MARCHF1: variants seen among roughly 807,000 people sequenced by gnomAD.
The protein encoded by MARCHF1 is membrane associated ring-CH-type finger 1.
MARCHF1 carries 40 observed loss-of-function variants against 54.2 expected under a neutral mutation model. The ratio of observed to expected loss-of-function variants is 0.74; its 90% CI spans 0.57 to 0.96. The LOEUF is 0.96. Ranked by LOEUF, MARCHF1 falls within the 40% of genes least tolerant of loss-of-function variation. MARCHF1 has a pLI of 0.00. For synonymous variants in MARCHF1, 236 were observed against 236.3 expected, an observed-to-expected ratio of 1.00 and a Z score of 0.01; for missense variants, 586 against 656.5, an observed-to-expected ratio of 0.89 and a Z score of 1.17.
chr4:163,612,909 G>A lies in MARCHF1; in HGVS notation c.372C>T (p.Ala124=), dbSNP rs1482133881. 1 of 1,535,430 alleles carries A rather than the reference G, an allele frequency of 6.5e-7. No homozygotes were observed. Among genetic ancestry groups the A allele is most frequent in the East Asian group, 2.4e-5 (1 of 40,886 alleles). The change falls in exon 7 of 10, where the codon GCC becomes GCT. Residue 124 remains alanine (A), a synonymous_variant. Coordinates refer to ENST00000514618, the MANE Select transcript of MARCHF1 (RefSeq NM_001394959.1). ...VIQRPRRRRK[A]SERYEHAAEE... ...CTGCAGCATGCTCATATCTCTCAGA[G>A]GCTTTTCTCCTCCTCCTAGGTCTTT...
At position 164,325,221 on chromosome 4, in the gene MARCHF1, A is replaced by T. The variant is rs1472237624; in HGVS notation, c.-323+58649T>A. The stretch of plus-strand genomic sequence containing the variant: ...AAAGATGCAGGTAATAATCAAAACA[A>T]TAAGAGAACACATGACTCTAAAGAG... On this transcript the variant is annotated intron_variant, in intron 1 of 9. Coordinates refer to ENST00000514618, the MANE Select transcript of MARCHF1 (RefSeq NM_001394959.1). Among the ~76,000 whole-genome samples, 6 of 151,564 alleles carry T rather than the reference A, an allele frequency of 4.0e-5. No homozygotes were observed. The East Asian group carries it at 1.2e-3, about 29-fold the overall frequency.
At chr4:163,574,699 G>A (rs540220288) in intron 8 of MARCHF1, among the ~76,000 whole-genome samples, 2 of 152,068 alleles carry the variant, frequency 1.3e-5, no homozygotes, top group Non-Finnish European at 1.5e-5. Context: ...CCAGTACCAT[G>A]CTGTTTTGGT....
chr4:163,961,840 C>A (rs1752351376), intron 3 of MARCHF1, among the ~76,000 whole-genome samples: 1 of 151,848 alleles, frequency 6.6e-6, no homozygotes, highest in African/African-American at 2.4e-5. Flanking sequence ...CATGATTATG[C>A]TTGGAATTCC....
Position 163,917,211 on chromosome 4 carries a change from G to A in MARCHF1, c.-38-63042C>T, listed in dbSNP as rs536869399. On this transcript the variant is annotated intron_variant, in intron 3 of 9. Transcript: ENST00000514618. Reference sequence around the variant, plus strand: ...CTTTTTAGCAATAACGAATAAACCCGTTATAAACATCTGTGCACAGGTTTT... The same window carrying A: ...CTTTTTAGCAATAACGAATAAACCCATTATAAACATCTGTGCACAGGTTTT... Among the ~76,000 whole-genome samples, 8 of 152,188 alleles carry A rather than the reference G, an allele frequency of 5.3e-5. No individual in the cohort carries two copies. The South Asian group carries it at 8.3e-4, about 16-fold the overall frequency.
At position 163,804,851 on chromosome 4, in the gene MARCHF1, C is replaced by T. The variant is rs575386993; in HGVS notation, c.111+49170G>A. On this transcript the variant is annotated intron_variant, in intron 4 of 9. Coordinates refer to ENST00000514618, the MANE Select transcript of MARCHF1 (RefSeq NM_001394959.1). ...CATCTCTCTCACCTGTCTTCATTTGCACCCACATGTACTACTCTCATTGTT... is the reference window on the plus strand; with the variant it reads ...CATCTCTCTCACCTGTCTTCATTTGTACCCACATGTACTACTCTCATTGTT... Among the ~76,000 whole-genome samples, 11 of 152,294 alleles carry T rather than the reference C, an allele frequency of 7.2e-5. No homozygotes were observed. In the South Asian group the frequency reaches 2.3e-3, roughly 32 times the overall value.
intron 1 of MARCHF1, among the ~76,000 whole-genome samples, chr4:164,286,679 G>GA (rs959359173): frequency 6.8e-6 from 1 of 147,818 alleles, no homozygotes; most frequent in Non-Finnish European, 1.5e-5. Context: ...AAGTGCTTAG[G>GA]AAAAAAAGAC....
intron 4 of MARCHF1, among the ~76,000 whole-genome samples, chr4:163,803,680 A>AT (rs937446007): frequency 3.0e-4 from 46 of 151,516 alleles, no homozygotes; most frequent in Non-Finnish European, 5.2e-4. Flanking sequence ...AAAGTCAGTT[A>AT]TTTTTTTCTC....
Position 164,236,613 on chromosome 4 carries a change from G to A in MARCHF1, c.-322-124951C>T, listed in dbSNP as rs1389543568. On this transcript the variant is annotated intron_variant, in intron 1 of 9. Transcript: ENST00000514618. ...AGCATTGTCTTGTTTAACCTAAGCT[G>A]GGAACATGTGCATTGAACATCTCAA... 2.6e-5 allele frequency among the ~76,000 whole-genome samples: 4 copies of A among 152,116 alleles called. No individual in the cohort carries two copies. In the South Asian group the frequency reaches 6.2e-4, roughly 24 times the overall value.
intron 1 of MARCHF1, among the ~76,000 whole-genome samples, chr4:164,198,612 A>G (rs1030487317): frequency 3.3e-5 from 5 of 152,202 alleles, no homozygotes; most frequent in Admixed American, 6.5e-5. Flanking sequence ...AAAAACACTC[A>G]GGAAGAAGAT....
intron 2 of MARCHF1, among the ~76,000 whole-genome samples, chr4:164,046,762 GAAAC>G (rs1754252046): frequency 6.6e-6 from 1 of 152,166 alleles, no homozygotes; most frequent in Non-Finnish European, 1.5e-5. Flanking sequence ...CTTAGTGAAA[GAAAC>G]TGTAGAAATA....
chr4:163,612,435 A>C lies in MARCHF1; in HGVS notation c.846T>G (p.Asn282Lys). The part of the protein sequence containing the change: ...DPQLLQSLRK[N>K]EIMKKTFSET... Reference sequence around the variant, plus strand: ...CTGAAAATGTCTTCTTCATTATTTCATTTTTCCTAAGACTTTGCAAGAGCT... The same window carrying C: ...CTGAAAATGTCTTCTTCATTATTTCCTTTTTCCTAAGACTTTGCAAGAGCT... Residue 282 changes from asparagine (N) to lysine (K), a missense_variant, in exon 7 of 10, where the codon AAT becomes AAG. Transcript: ENST00000514618. 6.5e-7 allele frequency: 1 copy of C among 1,534,782 alleles called. No individual in the cohort carries two copies. Among genetic ancestry groups the C allele is most frequent in the Admixed American group, 2.0e-5 (1 of 50,862 alleles).
At chr4:163,883,375 T>C (rs1291497716) in intron 3 of MARCHF1, among the ~76,000 whole-genome samples, 5 of 147,044 alleles carry the variant, frequency 3.4e-5, no homozygotes, top group Non-Finnish European at 7.5e-5. Flanking sequence ...CCTCTACATA[T>C]GAAGAAACAA....
intron 1 of MARCHF1, among the ~76,000 whole-genome samples, chr4:164,269,434 G>A (rs1021399244): frequency 6.6e-6 from 1 of 151,952 alleles, no homozygotes; most frequent in African/African-American, 2.4e-5. Context: ...AATGATGTTT[G>A]TTTCAAAACA....
chr4:163,697,165 G>GT lies in MARCHF1; in HGVS notation c.162+3647dup, dbSNP rs569209603. Among the ~76,000 whole-genome samples the GT allele has an allele frequency of 2.7e-4, 41 of 152,160 alleles. No homozygotes were observed. In the East Asian group the frequency reaches 6.4e-3, roughly 24 times the overall value. On this transcript the variant is annotated intron_variant, in intron 5 of 9. Coordinates refer to ENST00000514618, the MANE Select transcript of MARCHF1 (RefSeq NM_001394959.1). ...AGAAGTGTTGCCACCAGGGGAGCTCGTAAGAGCCTCAGTGCTCAAAGTTTT... is the reference window on the plus strand; with the variant it reads ...AGAAGTGTTGCCACCAGGGGAGCTCGTTAAGAGCCTCAGTGCTCAAAGTTTT...
intron 1 of MARCHF1, among the ~76,000 whole-genome samples, chr4:164,236,489 A>C (rs1732564166): frequency 6.6e-6 from 1 of 152,096 alleles, no homozygotes; most frequent in Non-Finnish European, 1.5e-5. Flanking sequence ...AAACAGTGAA[A>C]TCACCAACAA....
At chr4:164,188,634 C>T in intron 1 of MARCHF1, 2 of 1,041,922 alleles carry the variant, frequency 1.9e-6, no homozygotes, top group South Asian at 1.3e-5. Flanking sequence ...CAGCTCACCT[C>T]CAATCCCAAG....
intron 4 of MARCHF1, among the ~76,000 whole-genome samples, chr4:163,807,392 T>C (rs1748256993): frequency 1.3e-5 from 2 of 152,186 alleles, no homozygotes; most frequent in South Asian, 4.1e-4. Context: ...GGAAGCAACT[T>C]AATACTTTTT....
chr4:163,692,372 G>A (rs1744488704), intron 5 of MARCHF1, among the ~76,000 whole-genome samples: 1 of 152,148 alleles, frequency 6.6e-6, no homozygotes, highest in Admixed American at 6.6e-5. Flanking sequence ...CTGATAAAGT[G>A]GTATTTGAGT....
At chr4:164,080,387 T>C in intron 2 of MARCHF1, among the ~76,000 whole-genome samples, 1 of 152,334 alleles carries the variant, frequency 6.6e-6, no homozygotes, top group African/African-American at 2.4e-5. Flanking sequence ...TAGTTATACA[T>C]TAATAGATCT....
Sources: gnomAD v4.1 joint callset for allele counts (sites outside exome capture counted in the v4.1 genomes callset) on GRCh38, gnomAD v4.1.1 for gene constraint, MANE v1.5 for transcripts, NCBI Gene and HGNC (gene_info 2026-07-23, HGNC 2026-07-21) for gene names.